The following MTUS2 variants were observed in gnomAD, a reference collection of about 807,000 sequenced individuals.
MTUS2 encodes the protein microtubule-associated tumor suppressor candidate 2.
MTUS2 carries 40 observed loss-of-function variants against 114.1 expected under a neutral mutation model. That is an observed-to-expected ratio of 0.35 (90% confidence interval 0.27 to 0.46). The LOEUF is 0.46. Ranked by LOEUF, MTUS2 falls within the 20% of genes least tolerant of loss-of-function variation. The pLI is 1.00. For missense variants in MTUS2, 1,679 were observed against 1,705.4 expected, an observed-to-expected ratio of 0.98 and a Z score of 0.27; for synonymous variants, 688 against 672.0, an observed-to-expected ratio of 1.02 and a Z score of -0.37.
Position 29,026,720 on chromosome 13 carries a change from T to C in MTUS2, c.2022T>C (p.Cys674=). 1 of 1,613,972 alleles carries C rather than the reference T, an allele frequency of 6.2e-7. No homozygotes were observed. Among genetic ancestry groups the C allele is most frequent in the Non-Finnish European group, 8.5e-7 (1 of 1,179,878 alleles). The change falls in exon 3 of 16, where the codon TGT becomes TGC. Residue 674 remains cysteine (C), a synonymous_variant. Coordinates refer to ENST00000612955, the MANE Select transcript of MTUS2 (RefSeq NM_001033602.4). The stretch of plus-strand genomic sequence containing the variant: ...GGCTTCCATATGCCCCGCCCACATG[T>C]ACCATGCCTCTTCCCCACGAAGAGA... ...PVGLPYAPPT[C]TMPLPHEEKA...
At chr13:29,186,679 G>T (rs1245794998) in intron 5 of MTUS2, among the ~76,000 whole-genome samples, 2 of 152,192 alleles carry the variant, frequency 1.3e-5, no homozygotes, top group Non-Finnish European at 2.9e-5. Flanking sequence ...AGGAGTTGAA[G>T]ATTTCAGTAT....
At chr13:29,230,215 C>G (rs888531107) in intron 5 of MTUS2, among the ~76,000 whole-genome samples, 5 of 152,128 alleles carry the variant, frequency 3.3e-5, no homozygotes, top group Admixed American at 3.3e-4. Context: ...CACTGCGCCC[C>G]AGCCTGGGAG....
At chr13:28,895,739 C>T (rs1191573495) in intron 2 of MTUS2, among the ~76,000 whole-genome samples, 2 of 152,200 alleles carry the variant, frequency 1.3e-5, no homozygotes, top group African/African-American at 2.4e-5. Flanking sequence ...TAGCCCTCCA[C>T]TGTTGGATAT....
At chr13:28,949,567 C>G (rs1882707613) in intron 2 of MTUS2, among the ~76,000 whole-genome samples, 1 of 152,116 alleles carries the variant, frequency 6.6e-6, no homozygotes, top group African/African-American at 2.4e-5. Context: ...ATCTAGAACT[C>G]TTTTTTTCAC....
intron 9 of MTUS2, among the ~76,000 whole-genome samples, chr13:29,459,091 C>T (rs371877074): frequency 2.2e-4 from 33 of 151,980 alleles, no homozygotes; most frequent in African/African-American, 7.5e-4. Flanking sequence ...GTCACTTCTT[C>T]GCATCGCTTG....
chr13:28,821,349 A>G (rs753408892), intron 1 of MTUS2, among the ~76,000 whole-genome samples: 26 of 152,220 alleles, frequency 1.7e-4, no homozygotes, highest in Non-Finnish European at 3.1e-4. Flanking sequence ...TGTAAAGTCT[A>G]TTAGGAATTG....
At chr13:28,837,281 T>C (rs1182156208) in intron 1 of MTUS2, among the ~76,000 whole-genome samples, 2 of 152,250 alleles carry the variant, frequency 1.3e-5, no homozygotes, top group Admixed American at 6.5e-5. Flanking sequence ...TTGTGGTTAT[T>C]ATGCAGCCAC....
intron 4 of MTUS2, among the ~76,000 whole-genome samples, chr13:29,042,833 C>G (rs1341497893): frequency 6.6e-6 from 1 of 151,908 alleles, no homozygotes; most frequent in Non-Finnish European, 1.5e-5. Context: ...TGTTTCTAAT[C>G]TAGTTTATTT....
At chr13:28,867,287 A>C (rs1031515324) in intron 2 of MTUS2, among the ~76,000 whole-genome samples, 1 of 152,248 alleles carries the variant, frequency 6.6e-6, no homozygotes, top group Admixed American at 6.5e-5. Flanking sequence ...TATGTAACCA[A>C]AGCTCTTTTT....
intron 1 of MTUS2, among the ~76,000 whole-genome samples, chr13:28,835,263 T>G (rs1874994104): frequency 6.6e-6 from 1 of 152,190 alleles, no homozygotes; most frequent in Non-Finnish European, 1.5e-5. Flanking sequence ...AAATGTCCAT[T>G]AACTGATTAA....
intron 1 of MTUS2, among the ~76,000 whole-genome samples, chr13:28,822,095 C>T (rs1028642317): frequency 1.1e-4 from 17 of 152,198 alleles, no homozygotes; most frequent in African/African-American, 3.6e-4. Flanking sequence ...AAATTAAAAA[C>T]TTTTACTATA....
intron 4 of MTUS2, among the ~76,000 whole-genome samples, chr13:29,055,110 A>G (rs1218596979): frequency 6.6e-6 from 1 of 152,040 alleles, no homozygotes. Flanking sequence ...AATTTGTTCT[A>G]TCAGTTACTT....
intron 8 of MTUS2, among the ~76,000 whole-genome samples, chr13:29,417,745 A>C (rs1875772332): frequency 6.6e-6 from 1 of 151,932 alleles, no homozygotes; most frequent in Non-Finnish European, 1.5e-5. Flanking sequence ...CCCAAATGCC[A>C]GTTTTAGTAC....
intron 4 of MTUS2, among the ~76,000 whole-genome samples, chr13:29,043,922 T>G (rs1459626502): frequency 6.6e-6 from 1 of 152,102 alleles, no homozygotes; most frequent in African/African-American, 2.4e-5. Flanking sequence ...CTATTGTTAT[T>G]AGATATTTTA....
intron 8 of MTUS2, among the ~76,000 whole-genome samples, chr13:29,438,703 A>G (rs1257222139): frequency 6.6e-6 from 1 of 152,140 alleles, no homozygotes; most frequent in Admixed American, 6.5e-5. Context: ...AGCAGGGTCC[A>G]TTTCCCTCAG....
At chr13:29,318,263 T>G (rs1900094729) in intron 6 of MTUS2, among the ~76,000 whole-genome samples, 1 of 152,084 alleles carries the variant, frequency 6.6e-6, no homozygotes, top group Non-Finnish European at 1.5e-5. Flanking sequence ...TTAGGTTTTT[T>G]TTTTTTTTGA....
At chr13:29,157,928 T>A (rs1892932637) in intron 5 of MTUS2, among the ~76,000 whole-genome samples, 2 of 152,170 alleles carry the variant, frequency 1.3e-5, no homozygotes, top group South Asian at 4.1e-4. Context: ...AAAAGTTGGT[T>A]AAGTGGGTCT....
At chr13:29,018,741 C>CA (rs1355622707) in intron 2 of MTUS2, among the ~76,000 whole-genome samples, 1 of 151,142 alleles carries the variant, frequency 6.6e-6, no homozygotes, top group Non-Finnish European at 1.5e-5. Flanking sequence ...GCCTGGGTGA[C>CA]AGAGTGAGAT....
chr13:29,102,009 G>T (rs1292705496), intron 5 of MTUS2, among the ~76,000 whole-genome samples: 1 of 152,172 alleles, frequency 6.6e-6, no homozygotes, highest in Non-Finnish European at 1.5e-5. Flanking sequence ...GTTTCTAAGG[G>T]TGTTTTATTT....
Sources: gnomAD v4.1 joint callset for allele counts (sites outside exome capture counted in the v4.1 genomes callset) on GRCh38, gnomAD v4.1.1 for gene constraint, MANE v1.5 for transcripts, NCBI Gene and HGNC (gene_info 2026-07-23, HGNC 2026-07-21) for gene names.